The following SLC4A4 variants were observed in gnomAD, a reference collection of about 807,000 sequenced individuals.
SLC4A4 encodes solute carrier family 4 member 4.
In SLC4A4, 27 loss-of-function variants were observed where a neutral mutation model predicts 111.5. The observed-to-expected ratio is 0.24, with a 90% CI of 0.18 to 0.33. The LOEUF (loss-of-function observed/expected upper bound fraction) is 0.33, where lower values mean the gene tolerates loss of function less well. SLC4A4 is among the 10% of genes least tolerant of loss of function. The pLI, the probability that SLC4A4 is intolerant of heterozygous loss-of-function variation, is 1.00. For synonymous variants in SLC4A4, 443 were observed against 463.4 expected, an observed-to-expected ratio of 0.96 and a Z score of 0.57; for missense variants, 909 against 1,315.5, an observed-to-expected ratio of 0.69 and a Z score of 4.78.
chr4:71,546,974 G>A (rs950748486), intron 19 of SLC4A4, among the ~76,000 whole-genome samples: 2 of 151,864 alleles, frequency 1.3e-5, no homozygotes, highest in Non-Finnish European at 2.9e-5. Flanking sequence ...TTCAATTTGG[G>A]TAGCTGTGAA....
chr4:71,340,400 T>G (rs995311978), intron 4 of SLC4A4, among the ~76,000 whole-genome samples: 5 of 152,182 alleles, frequency 3.3e-5, no homozygotes, highest in African/African-American at 4.8e-5. Context: ...TTACAGTATA[T>G]TGTTGTATTT....
At chr4:71,380,001 A>T (rs1054733971) in intron 6 of SLC4A4, among the ~76,000 whole-genome samples, 1 of 152,120 alleles carries the variant, frequency 6.6e-6, no homozygotes, top group Non-Finnish European at 1.5e-5. Context: ...CTAAATGGAC[A>T]CTTAACCTGA....
At chr4:71,239,597 A>C (rs1720049220) in intron 2 of SLC4A4, among the ~76,000 whole-genome samples, 2 of 152,194 alleles carry the variant, frequency 1.3e-5, no homozygotes, top group African/African-American at 4.8e-5. Flanking sequence ...ATCAACTGCA[A>C]AACTCACTAA....
chr4:71,459,843 A>G (rs1056343034), intron 12 of SLC4A4, among the ~76,000 whole-genome samples: 2 of 152,064 alleles, frequency 1.3e-5, no homozygotes, highest in Admixed American at 1.3e-4. Context: ...TTTGTCCCAT[A>G]TTCTCATTTT....
At chr4:71,515,348 A>G (rs570950511) in intron 16 of SLC4A4, among the ~76,000 whole-genome samples, 1 of 152,122 alleles carries the variant, frequency 6.6e-6, no homozygotes, top group South Asian at 2.1e-4. Flanking sequence ...AGTTGATATG[A>G]TTTTCATTTT....
chr4:71,261,785 C>T (rs1721872081), intron 3 of SLC4A4, among the ~76,000 whole-genome samples: 1 of 152,116 alleles, frequency 6.6e-6, no homozygotes, highest in South Asian at 2.1e-4. Flanking sequence ...GTTATCATGC[C>T]ATGAGATGTT....
At chr4:71,303,588 A>G (rs970865920) in intron 3 of SLC4A4, among the ~76,000 whole-genome samples, 8 of 152,220 alleles carry the variant, frequency 5.3e-5, no homozygotes, top group African/African-American at 1.9e-4. Flanking sequence ...GAGCAGAAAG[A>G]ATAAGATGGG....
At chr4:71,208,972 G>T (rs1299528092) in intron 1 of SLC4A4, among the ~76,000 whole-genome samples, 1 of 152,004 alleles carries the variant, frequency 6.6e-6, no homozygotes, top group Non-Finnish European at 1.5e-5. Flanking sequence ...TGGAATATTT[G>T]GTTATAGAGA....
In SLC4A4 at chr4:71,244,411, A is replaced by T. The variant is rs551970674; in HGVS notation, c.73+7762A>T. Among the ~76,000 whole-genome samples the T allele has an allele frequency of 2.2e-4, 33 of 152,318 alleles. No homozygotes were observed. The East Asian group carries it at 6.0e-3, about 28-fold the overall frequency. ...CTAGAAATGCTCTAAGAATTTTTGG[A>T]TAATACCTGAAAAATACCTTGATAC... is the stretch of plus-strand genomic sequence containing the variant. On this transcript the variant is annotated intron_variant, in intron 2 of 25. Coordinates refer to ENST00000264485, the MANE Select transcript of SLC4A4 (RefSeq NM_001098484.3).
At chr4:71,342,750 TG>T (rs757805051) in intron 4 of SLC4A4, among the ~76,000 whole-genome samples, 4 of 152,192 alleles carry the variant, frequency 2.6e-5, no homozygotes, top group South Asian at 2.1e-4. Context: ...TATAGTTCAT[TG>T]TATAGGTAAT....
At chr4:71,402,950 A>G (rs981297185) in intron 7 of SLC4A4, among the ~76,000 whole-genome samples, 1 of 152,230 alleles carries the variant, frequency 6.6e-6, no homozygotes, top group African/African-American at 2.4e-5. Flanking sequence ...TAAAGCTTAA[A>G]CAGTTGACAG....
intron 1 of SLC4A4, among the ~76,000 whole-genome samples, chr4:71,219,985 T>A (rs922779564): frequency 6.6e-6 from 1 of 152,220 alleles, no homozygotes; most frequent in African/African-American, 2.4e-5. Flanking sequence ...GAAGATGCTG[T>A]GAACATTGTT....
At chr4:71,127,680 A>G (rs971041098) in intron 2 of SLC4A4, among the ~76,000 whole-genome samples, 12 of 152,190 alleles carry the variant, frequency 7.9e-5, no homozygotes, top group African/African-American at 2.9e-4. Context: ...ACTTTTTAAG[A>G]TATGTTATAT....
chr4:71,235,680 G>A (rs2579317), intron 1 of SLC4A4, among the ~76,000 whole-genome samples: 139,260 of 152,286 alleles, frequency 0.91, 64,446 homozygotes, highest in Non-Finnish European at 0.99. Flanking sequence ...AACTAGAAGC[G>A]TGTTTGGCAT....
intron 1 of SLC4A4, among the ~76,000 whole-genome samples, chr4:71,189,581 A>G (rs918667532): frequency 6.6e-6 from 1 of 152,202 alleles, no homozygotes; most frequent in Admixed American, 6.5e-5. Context: ...TGTTCCGATA[A>G]CAAGAGTGAT....
chr4:71,191,317 T>C (rs982431882), intron 1 of SLC4A4, among the ~76,000 whole-genome samples: 1 of 152,252 alleles, frequency 6.6e-6, no homozygotes, highest in Non-Finnish European at 1.5e-5. Context: ...TGTAGTTGTT[T>C]GTGTAAACCA....
chr4:71,418,673 A>T (rs1722040343), intron 7 of SLC4A4, among the ~76,000 whole-genome samples: 1 of 152,226 alleles, frequency 6.6e-6, no homozygotes, highest in Non-Finnish European at 1.5e-5. Context: ...AAACAAAAAT[A>T]TGTTTCTAGT....
chr4:71,459,038 C>T (rs1726558372), intron 12 of SLC4A4, among the ~76,000 whole-genome samples: 2 of 151,932 alleles, frequency 1.3e-5, no homozygotes, highest in African/African-American at 2.4e-5. Context: ...ACCTGGTTGC[C>T]TTTAAAACTT....
chr4:71,527,293 T>C (rs1033913589), intron 16 of SLC4A4, among the ~76,000 whole-genome samples: 1 of 152,036 alleles, frequency 6.6e-6, no homozygotes, highest in African/African-American at 2.4e-5. Context: ...AACAGGGTGG[T>C]ACTAGCAATG....
Sources: allele counts gnomAD v4.1 joint callset (sites outside exome capture counted in the v4.1 genomes callset), GRCh38; gene constraint gnomAD v4.1.1; transcripts MANE v1.5; gene names NCBI Gene and HGNC (gene_info 2026-07-23, HGNC 2026-07-21).